The following FRMPD4 variants were observed in gnomAD, a reference collection of about 807,000 sequenced individuals.
FRMPD4 encodes FERM and PDZ domain containing 4.
FRMPD4 carries 22 observed loss-of-function variants against 94.1 expected under a neutral mutation model. The observed-to-expected ratio is 0.23, with a 90% CI of 0.17 to 0.33. FRMPD4 has a LOEUF of 0.33. FRMPD4 is among the 10% of genes least tolerant of loss of function. FRMPD4 has a pLI of 1.00. For missense variants in FRMPD4, 1,111 were observed against 1,339.9 expected, an observed-to-expected ratio of 0.83 and a Z score of 2.67; for synonymous variants, 631 against 548.6, an observed-to-expected ratio of 1.15 and a Z score of -2.10.
intron 3 of FRMPD4, among the ~76,000 whole-genome samples, chrX:12,130,279 C>T (rs1218894057): frequency 8.9e-6 from 1 of 111,898 alleles, no homozygotes; most frequent in African/African-American, 3.3e-5. Flanking sequence ...CTGTTCTCAA[C>T]ATCTTGACTT....
Position 12,722,666 on chromosome X carries a change from T to G in FRMPD4, c.*808T>G, listed in dbSNP as rs1040704571. On this transcript the variant is annotated 3_prime_UTR_variant, in exon 17 of 17. Coordinates refer to ENST00000675598, the MANE Select transcript of FRMPD4 (RefSeq NM_001368397.1). ...AATTAATAATACCAAAATTAATTAT[T>G]TGATGGAAAGATCTGCTTTGACTAA... The G allele has an allele frequency of 9.8e-5, 11 of 112,364 alleles. No individual in the cohort carries two copies. Among genetic ancestry groups the G allele is most frequent in the African/African-American group, 3.6e-4 (11 of 30,971 alleles). The allele number at this position is 112,364 out of a possible 1,213,427, so 9.3% of individuals were successfully genotyped here.
intron 2 of FRMPD4, among the ~76,000 whole-genome samples, chrX:12,594,705 G>A (rs889804627): frequency 2.8e-4 from 31 of 111,488 alleles, no homozygotes; most frequent in African/African-American, 9.1e-4. Context: ...AAAGTGCTGG[G>A]ATTACAAGCA....
At chrX:12,540,661 G>A (rs1022893386) in intron 2 of FRMPD4, among the ~76,000 whole-genome samples, 1 of 111,418 alleles carries the variant, frequency 9.0e-6, no homozygotes, top group African/African-American at 3.3e-5. Flanking sequence ...ACAACCCACT[G>A]TCAACATTAG....
chrX:12,417,384 G>C (rs1264043845), intron 1 of FRMPD4, among the ~76,000 whole-genome samples: 2 of 109,089 alleles, frequency 1.8e-5, no homozygotes, highest in Non-Finnish European at 3.8e-5. Flanking sequence ...TTCTAGACCA[G>C]CCTGGCCAAC....
intron 3 of FRMPD4, among the ~76,000 whole-genome samples, chrX:11,920,363 C>A (rs6640813): frequency 0.056 from 6,288 of 111,793 alleles, 178 homozygotes; most frequent in East Asian, 0.14. Flanking sequence ...TTCTTGCCTG[C>A]AGGTTGGTCC....
At chrX:12,064,500 A>C (rs1393900650) in intron 3 of FRMPD4, among the ~76,000 whole-genome samples, 1 of 112,075 alleles carries the variant, frequency 8.9e-6, no homozygotes, top group East Asian at 2.8e-4. Context: ...ACATTTGGCC[A>C]GGAAATGTGT....
chrX:12,607,185 C>G (rs966243413), intron 2 of FRMPD4, among the ~76,000 whole-genome samples: 7 of 111,592 alleles, frequency 6.3e-5, no homozygotes, highest in African/African-American at 2.0e-4. Flanking sequence ...CACTCAGGGT[C>G]TGGAATTCTG....
At chrX:12,505,727 GA>G (rs34064982) in intron 2 of FRMPD4, among the ~76,000 whole-genome samples, 1,227 of 46,176 alleles carry the variant, frequency 0.027, 25 homozygotes, top group African/African-American at 0.1. Context: ...AACTCCATCC[GA>G]AAAAAAAAAA....
At chrX:11,859,965 C>T (rs954648415) in intron 1 of FRMPD4, among the ~76,000 whole-genome samples, 3 of 111,783 alleles carry the variant, frequency 2.7e-5, no homozygotes, top group South Asian at 7.4e-4. Context: ...CTTGTCCTAC[C>T]CTTTATACTG....
intron 2 of FRMPD4, among the ~76,000 whole-genome samples, chrX:12,571,988 G>A (rs1046970668): frequency 1.3e-4 from 15 of 111,861 alleles, no homozygotes; most frequent in African/African-American, 4.2e-4. Flanking sequence ...AGATTAATTG[G>A]GTTTTCACTT....
intron 3 of FRMPD4, among the ~76,000 whole-genome samples, chrX:12,078,543 T>A (rs763780504): frequency 1.8e-5 from 2 of 112,094 alleles, no homozygotes; most frequent in Non-Finnish European, 1.9e-5. Context: ...ATGCAGTACA[T>A]TTCCACAATC....
At chrX:12,172,178 G>T (rs1172583257) in intron 1 of FRMPD4, among the ~76,000 whole-genome samples, 2 of 108,438 alleles carry the variant, frequency 1.8e-5, no homozygotes, top group East Asian at 5.8e-4. Flanking sequence ...TTTTGCTGTT[G>T]TTGTTGTTGT....
intron 3 of FRMPD4, among the ~76,000 whole-genome samples, chrX:12,095,997 C>G (rs746531309): frequency 5.4e-5 from 6 of 112,096 alleles, no homozygotes; most frequent in African/African-American, 1.9e-4. Flanking sequence ...CATACCATGA[C>G]TGAAGACCTG....
intron 1 of FRMPD4, among the ~76,000 whole-genome samples, chrX:11,859,890 C>G (rs898904381): frequency 2.7e-5 from 3 of 112,096 alleles, no homozygotes; most frequent in Admixed American, 9.5e-5. Flanking sequence ...ATTGCTATTT[C>G]CTGATGTTTC....
At chrX:11,945,082 G>A (rs2054181821) in intron 3 of FRMPD4, among the ~76,000 whole-genome samples, 1 of 111,578 alleles carries the variant, frequency 9.0e-6, no homozygotes, top group African/African-American at 3.3e-5. Context: ...TGGGGCCAAG[G>A]CATTAGCATT....
At chrX:12,696,621 G>A (rs2060135928) in intron 9 of FRMPD4, among the ~76,000 whole-genome samples, 1 of 97,659 alleles carries the variant, frequency 1.0e-5, no homozygotes. Context: ...CACTGTCTTT[G>A]AGAATATCTG....
chrX:11,972,369 G>A (rs1457030802), intron 3 of FRMPD4, among the ~76,000 whole-genome samples: 1 of 111,861 alleles, frequency 8.9e-6, no homozygotes, highest in Admixed American at 9.5e-5. Context: ...TCCCTTCCAT[G>A]CACTCACTCT....
chrX:12,079,675 A>G (rs1200943650), intron 3 of FRMPD4, among the ~76,000 whole-genome samples: 4 of 112,101 alleles, frequency 3.6e-5, no homozygotes, highest in African/African-American at 1.3e-4. Flanking sequence ...TTCATTATGT[A>G]ATATTTTTCT....
chrX:12,070,706 A>G (rs1437673656), intron 3 of FRMPD4, among the ~76,000 whole-genome samples: 5 of 112,291 alleles, frequency 4.5e-5, no homozygotes, highest in Non-Finnish European at 9.4e-5. Flanking sequence ...GAAAAAAAAT[A>G]GTTCCAATGA....
Sources: allele counts gnomAD v4.1 joint callset (sites outside exome capture counted in the v4.1 genomes callset), GRCh38; gene constraint gnomAD v4.1.1; transcripts MANE v1.5; gene names NCBI Gene and HGNC (gene_info 2026-07-23, HGNC 2026-07-21).